The following ZMYM2 variants were observed in gnomAD, a reference collection of about 807,000 sequenced individuals.
ZMYM2 encodes zinc finger MYM-type containing 2, also known as zinc finger MYM-type protein 2.
Under a neutral mutation model 162.8 loss-of-function variants are expected in ZMYM2, and 56 were observed. That is an observed-to-expected ratio of 0.34 (90% CI 0.28 to 0.43). The LOEUF is 0.43. Among genes scored for constraint, ZMYM2 ranks in the 20% least tolerant of loss-of-function variants. ZMYM2 has a pLI of 1.00. For synonymous variants in ZMYM2, 510 were observed against 541.6 expected (o/e 0.94, Z 0.81); for missense variants, 1,275 against 1,621.8 (o/e 0.79, Z 3.67).
At chr13:20,008,864 G>A (rs2140013451) in intron 6 of ZMYM2, among the ~76,000 whole-genome samples, 1 of 151,946 alleles carries the variant, frequency 6.6e-6, no homozygotes, top group South Asian at 2.1e-4. Flanking sequence ...ATAGTCAACT[G>A]AAAAACCTGG....
intron 2 of ZMYM2, among the ~76,000 whole-genome samples, chr13:19,973,490 G>A (rs1223972824): frequency 6.6e-6 from 1 of 151,554 alleles, no homozygotes; most frequent in East Asian, 2.0e-4. Context: ...GGCCAACATG[G>A]TGAAACCCCG....
chr13:19,969,846 G>C (rs978176853), intron 2 of ZMYM2, among the ~76,000 whole-genome samples: 4 of 149,540 alleles, frequency 2.7e-5, no homozygotes, highest in African/African-American at 9.9e-5. Flanking sequence ...TGAAACATTT[G>C]AACATCTCAA....
the ZMYM2 span, among the ~76,000 whole-genome samples, chr13:19,870,595 C>CCTTCCTTTCTTTCTTT: frequency 7.0e-6 from 1 of 142,694 alleles, no homozygotes; most frequent in African/African-American, 2.6e-5. Flanking sequence ...TTCCTTCCTT[C>CCTTCCTTTCTTTCTTT]CTTTCTTTCT....
At chr13:20,030,701 T>A (rs1441024105) in intron 9 of ZMYM2, among the ~76,000 whole-genome samples, 2 of 151,910 alleles carry the variant, frequency 1.3e-5, no homozygotes, top group Non-Finnish European at 2.9e-5. Flanking sequence ...CCTGGCCTAA[T>A]TTTTGTAGTT....
intron 18 of ZMYM2, 118 bp downstream of exon 18, chr13:20,063,089 T>G (rs1956351183): frequency 4.0e-6 from 5 of 1,263,354 alleles, no homozygotes; most frequent in Non-Finnish European, 5.2e-6. Flanking sequence ...TTTATTCTTG[T>G]TATTTTTTAA....
intron 2 of ZMYM2, among the ~76,000 whole-genome samples, chr13:19,971,427 C>T (rs1956327919): frequency 6.6e-6 from 1 of 151,004 alleles, no homozygotes; most frequent in Non-Finnish European, 1.5e-5. Flanking sequence ...TGTGCCACCA[C>T]ACCAGGTTAA....
chr13:19,913,901 C>T, the ZMYM2 span, among the ~76,000 whole-genome samples: 1 of 152,204 alleles, frequency 6.6e-6, no homozygotes, highest in African/African-American at 2.4e-5. Context: ...GACTCAGGTC[C>T]ATGATATGCA....
chr13:20,077,152 A>G (rs979837546), intron 21 of ZMYM2, among the ~76,000 whole-genome samples: 1 of 150,662 alleles, frequency 6.6e-6, no homozygotes, highest in African/African-American at 2.5e-5. Flanking sequence ...TTCATTGGTT[A>G]ATTTAGCAAA....
chr13:20,061,049 T>A lies in ZMYM2; in HGVS notation c.2740-4T>A. 1 of 1,606,650 alleles carries A rather than the reference T, an allele frequency of 6.2e-7. No homozygotes were observed. Among genetic ancestry groups the A allele is most frequent in the Non-Finnish European group, 8.5e-7 (1 of 1,176,148 alleles). ...ACCTAACTCAAAATGATTTGGTTAA[T>A]TAGGTGCCAGTTCCTGTTTTTCTGC... On this transcript the variant is annotated splice_polypyrimidine_tract_variant and splice_region_variant and intron_variant, in intron 16 of 24. Transcript: ENST00000610343.
intron 6 of ZMYM2, among the ~76,000 whole-genome samples, chr13:20,014,760 AG>A: frequency 1.3e-5 from 1 of 77,098 alleles, no homozygotes; most frequent in Admixed American, 1.4e-4. Flanking sequence ...TATTTACTTT[AG>A]GTTTTTTTTT....
At chr13:19,959,395 C>T (rs1043593004) in intron 1 of ZMYM2, among the ~76,000 whole-genome samples, 6 of 152,144 alleles carry the variant, frequency 3.9e-5, no homozygotes, top group Non-Finnish European at 5.9e-5. Flanking sequence ...CTTCGCTCTT[C>T]TTTTCCTCGG....
intron 2 of ZMYM2, among the ~76,000 whole-genome samples, chr13:19,977,615 C>G (rs542184215): frequency 1.4e-3 from 108 of 75,644 alleles, no homozygotes; most frequent in Admixed American, 2.8e-3. Flanking sequence ...GCCTCAGCCT[C>G]CTCAGTAGCT....
chr13:20,042,095 T>C (rs868775863), intron 12 of ZMYM2, among the ~76,000 whole-genome samples: 88 of 152,196 alleles, frequency 5.8e-4, no homozygotes, highest in African/African-American at 2.1e-3. Context: ...TGAATTTGAA[T>C]GTTGGCCTCT....
At chr13:20,085,217 A>AT (rs1958180927) in intron 24 of ZMYM2, among the ~76,000 whole-genome samples, 1 of 152,092 alleles carries the variant, frequency 6.6e-6, no homozygotes, top group African/African-American at 2.4e-5. Context: ...TTTTGGTGTC[A>AT]TTTTGGCAAA....
At chr13:19,903,483 CAAAAAAAAA>C in the ZMYM2 span, among the ~76,000 whole-genome samples, 1 of 83,724 alleles carries the variant, frequency 1.2e-5, no homozygotes, top group African/African-American at 4.4e-5. Context: ...ACTAAAAATA[CAAAAAAAAA>C]AAAAAAAAAA....
intron 2 of ZMYM2, among the ~76,000 whole-genome samples, chr13:19,960,436 G>A (rs1399510609): frequency 1.3e-5 from 2 of 152,220 alleles, no homozygotes; most frequent in African/African-American, 4.8e-5. Flanking sequence ...TTGATTGAAG[G>A]AATTGGAAAC....
the ZMYM2 span, among the ~76,000 whole-genome samples, chr13:19,944,848 T>C: frequency 6.6e-6 from 1 of 152,078 alleles, no homozygotes. Flanking sequence ...TTTTTGTACT[T>C]TTAGTAGAGA....
the ZMYM2 span, among the ~76,000 whole-genome samples, chr13:19,903,499 A>G: frequency 2.3e-4 from 35 of 150,828 alleles, no homozygotes; most frequent in East Asian, 4.3e-3. Flanking sequence ...AAAAAAAAAA[A>G]AAAAAGAAAA....
intron 3 of ZMYM2, among the ~76,000 whole-genome samples, chr13:19,997,866 A>G (rs1245809801): frequency 1.3e-5 from 2 of 152,176 alleles, no homozygotes; most frequent in Admixed American, 1.3e-4. Flanking sequence ...GTTCATGTCA[A>G]TATATGCGTG....
Sources: gnomAD v4.1 joint callset for allele counts (sites outside exome capture counted in the v4.1 genomes callset) on GRCh38, gnomAD v4.1.1 for gene constraint, MANE v1.5 for transcripts, NCBI Gene and HGNC (gene_info 2026-07-23, HGNC 2026-07-21) for gene names.